COL1A2: variants seen among roughly 807,000 people sequenced by gnomAD.
COL1A2 encodes collagen alpha-2(I) chain.
A neutral mutation model predicts 174.3 loss-of-function variants in COL1A2; 49 were observed. The ratio of observed to expected loss-of-function variants is 0.28; its 90% CI spans 0.22 to 0.36. COL1A2 has a LOEUF of 0.36. COL1A2 is among the 10% of genes least tolerant of loss of function. The pLI is 1.00. For missense variants in COL1A2, 1,438 were observed against 1,822.7 expected (o/e 0.79, Z 3.84); for synonymous variants, 655 against 606.6 (o/e 1.08, Z -1.17).
intron 6 of COL1A2, among the ~76,000 whole-genome samples, chr7:94,402,163 A>C (rs772784910): frequency 6.6e-6 from 1 of 152,092 alleles, no homozygotes; most frequent in Non-Finnish European, 1.5e-5. Flanking sequence ...ACTAGATGCC[A>C]GGCAAGATGT....
At chr7:94,427,507 A>T (rs980289255) in intron 48 of COL1A2, 120 bp from the exon 49 acceptor site, 39 of 1,298,556 alleles carry the variant, frequency 3.0e-5, no homozygotes, top group Non-Finnish European at 4.2e-5. Context: ...TGTGAACTTG[A>T]TTATTTTTTA....
chr7:94,420,662 A>C lies in COL1A2; in HGVS notation c.2295+14A>C. On this transcript the variant is annotated intron_variant, in intron 37 of 51. Transcript: ENST00000297268. Reference sequence around the variant, plus strand: ...GCTGGCCCAGCTGTAAGTTGAATTCACTGGTGGTCCACACAGCAGCTACCC... The same window carrying C: ...GCTGGCCCAGCTGTAAGTTGAATTCCCTGGTGGTCCACACAGCAGCTACCC... 6.3e-7 allele frequency: 1 copy of C among 1,575,674 alleles called. No homozygotes were observed. Among genetic ancestry groups the C allele is most frequent in the Non-Finnish European group, 8.6e-7 (1 of 1,159,606 alleles).
chr7:94,401,157 C>T (rs1450822903), intron 5 of COL1A2, among the ~76,000 whole-genome samples: 2 of 140,272 alleles, frequency 1.4e-5, no homozygotes, highest in Admixed American at 1.4e-4. Flanking sequence ...TGTGTAGCTC[C>T]GGTGGGGAAG....
intron 1 of COL1A2, among the ~76,000 whole-genome samples, chr7:94,396,316 G>GTGTGTA (rs1203794984): frequency 1.9e-5 from 1 of 51,480 alleles, no homozygotes; most frequent in Non-Finnish European, 6.1e-5. Context: ...TTGTGTGCTT[G>GTGTGTA]TGTGTGTGTG....
Position 94,413,743 on chromosome 7 carries a change from G to A in COL1A2, c.1611G>A (p.Gln537=), listed in dbSNP as rs1562902754. ...GTGCTCAGGGACCTCCTGGACCACA[G>A]GTGAGTATTTCTCCCACTCTTGTGC... ...NNGAQGPPGP[Q]GVQGGKGEQG... is the part of the protein sequence containing the mutation. Residue 537 remains glutamine (Q), a splice_region_variant and synonymous_variant, in exon 27 of 52, where the codon CAG becomes CAA. Transcript: ENST00000297268. 2 of 1,614,156 alleles carry A rather than the reference G, an allele frequency of 1.2e-6. No individual in the cohort carries two copies. Among genetic ancestry groups the A allele is most frequent in the Admixed American group, 1.7e-5 (1 of 60,018 alleles).
rs1474098858 is a variant in COL1A2, at chr7:94,413,735, G to T, written c.1603G>T (p.Gly535Ter). Reference protein sequence around the residue: ...DGNNGAQGPPGPQGVQGGKGE... With the variant: ...DGNNGAQGPP ...AAACAATGGTGCTCAGGGACCTCCT[G>T]GACCACAGGTGAGTATTTCTCCCAC... Residue 535 changes from glycine to a stop codon, truncating the protein, a stop_gained, in exon 27 of 52, where the codon GGA (glycine) becomes TGA (stop). Coordinates refer to ENST00000297268, the MANE Select transcript of COL1A2 (RefSeq NM_000089.4). LOFTEE classifies it high-confidence loss of function. 6.2e-7 allele frequency: 1 copy of T among 1,614,012 alleles called. No homozygotes were observed. The highest frequency in any genetic ancestry group is 8.5e-7 in the Non-Finnish European group (1 of 1,180,006).
rs1344095248 is a variant in COL1A2 at position 94,425,156 on chromosome 7, G to A, written c.2713G>A (p.Ala905Thr). ...TCTTGGCATTGCCGGCCCTCCTGGG[G>A]CCCGTGGTCCTCCTGGTGCTGTGGG... ...GPLGIAGPPGARGPPGAVGSP... is the reference protein window; with the variant it reads ...GPLGIAGPPGTRGPPGAVGSP... Residue 905 changes from alanine (A) to threonine (T), a missense_variant, in exon 42 of 52, where the codon GCC becomes ACC. Transcript: ENST00000297268. The A allele has an allele frequency of 1.2e-6, 2 of 1,613,962 alleles. No homozygotes were observed. The highest frequency in any genetic ancestry group is 1.3e-5 in the African/African-American group (1 of 74,890).
chr7:94,414,671 C>T (rs1792000042), intron 29 of COL1A2, among the ~76,000 whole-genome samples: 1 of 152,136 alleles, frequency 6.6e-6, no homozygotes, highest in African/African-American at 2.4e-5. Context: ...TCAGACATGA[C>T]ACTACTATAC....
chr7:94,406,370 G>T, intron 12 of COL1A2, 67 bp downstream of exon 12: 1 of 1,449,882 alleles, frequency 6.9e-7, no homozygotes. Context: ...CTCCAAAAAA[G>T]TATATTATAC....
chr7:94,427,445 G>A, intron 48 of COL1A2, 150 bp downstream of exon 48: 1 of 1,040,656 alleles, frequency 9.6e-7, no homozygotes. Flanking sequence ...ATATGCAATG[G>A]GCTTGTTAAG....
intron 31 of COL1A2, chr7:94,416,872 C>T (rs1792053341): frequency 5.3e-6 from 1 of 189,056 alleles, no homozygotes; most frequent in South Asian, 1.1e-4. Context: ...AGTAAAATTT[C>T]AACAAGTAGT....
chr7:94,425,009 T>G, intron 41 of COL1A2, 108 bp from the exon 42 acceptor site: 2 of 917,140 alleles, frequency 2.2e-6, no homozygotes, highest in Non-Finnish European at 3.5e-6. Flanking sequence ...ACATTCAATT[T>G]ACCTTCTTCC....
At chr7:94,407,741 T>G (rs1311304776) in intron 12 of COL1A2, 106 bp from the exon 13 acceptor site, 1 of 907,676 alleles carries the variant, frequency 1.1e-6, no homozygotes, top group African/African-American at 1.7e-5. Flanking sequence ...AGAAATATTA[T>G]GAAGTATATG....
intron 1 of COL1A2, among the ~76,000 whole-genome samples, chr7:94,396,730 T>G (rs887446850): frequency 6.6e-6 from 1 of 152,192 alleles, no homozygotes; most frequent in Non-Finnish European, 1.5e-5. Context: ...TTCTTGTAAT[T>G]TAACAGTAAT....
rs144133431 is a variant in COL1A2 at position 94,430,339 on chromosome 7, C to T, written c.4047C>T (p.Ile1349=). The T allele has an allele frequency of 1.9e-6, 3 of 1,614,012 alleles. No individual in the cohort carries two copies. Among genetic ancestry groups the T allele is most frequent in the Non-Finnish European group, 2.5e-6 (3 of 1,179,924 alleles). The part of the protein sequence containing the change: ...LPFLDIAPLD[I]GGADQEFFVD... ...TCCTTGATATTGCACCTTTGGACAT[C>T]GGTGGTGCTGACCAGGAATTCTTTG... The change falls in exon 52 of 52, where the codon ATC becomes ATT. Residue 1349 remains isoleucine (I), a synonymous_variant. Transcript: ENST00000297268.
intron 6 of COL1A2, among the ~76,000 whole-genome samples, chr7:94,404,204 C>A (rs73426389): frequency 5.8e-4 from 89 of 152,320 alleles, no homozygotes; most frequent in African/African-American, 2.1e-3. Flanking sequence ...TCCAAATGGA[C>A]ATGCTTCATC....
At chr7:94,397,262 A>G (rs1461013271) in intron 1 of COL1A2, among the ~76,000 whole-genome samples, 1 of 152,194 alleles carries the variant, frequency 6.6e-6, no homozygotes, top group Non-Finnish European at 1.5e-5. Context: ...AAAGTAAGTC[A>G]GCTTCAATGT....
intron 46 of COL1A2, 21 bp downstream of exon 46, chr7:94,426,551 T>C (rs1466162363): frequency 6.4e-7 from 1 of 1,566,762 alleles, no homozygotes; most frequent in Non-Finnish European, 8.7e-7. Flanking sequence ...TGTAGCCATC[T>C]CGCACATAAA....
At position 94,423,232 on chromosome 7, in the gene COL1A2, A is replaced by C. The variant is rs1042974300; in HGVS notation, c.2565+114A>C. 3.9e-6 allele frequency: 5 copies of C among 1,290,082 alleles called. 1 individual carries two copies. The South Asian group carries it at 6.1e-5, about 16-fold the overall frequency. The allele number at this position is 1,290,082 out of a possible 1,614,324, so 79.9% of individuals were successfully genotyped here. A position where few individuals can be genotyped will look rare whatever the true frequency, so the allele number is the denominator to read the frequency against. On this transcript the variant is annotated intron_variant, in intron 40 of 51. Coordinates refer to ENST00000297268, the MANE Select transcript of COL1A2 (RefSeq NM_000089.4). Reference sequence around the variant, plus strand: ...TGATGAGTATTGCAGGCTCTCAAGTAGAGCTCAGTTGAGCCAGGAAATCTG... The same window carrying C: ...TGATGAGTATTGCAGGCTCTCAAGTCGAGCTCAGTTGAGCCAGGAAATCTG...
Sources: gnomAD v4.1 joint callset for allele counts (sites outside exome capture counted in the v4.1 genomes callset) on GRCh38, gnomAD v4.1.1 for gene constraint, MANE v1.5 for transcripts, NCBI Gene and HGNC (gene_info 2026-07-23, HGNC 2026-07-21) for gene names.